ZHX2: variants seen among roughly 807,000 people sequenced by gnomAD.
ZHX2 encodes zinc fingers and homeoboxes protein 2.
ZHX2 carries 6 observed loss-of-function variants against 21.9 expected under a neutral mutation model. The observed-to-expected ratio is 0.27, with a 90% CI of 0.15 to 0.54. ZHX2 has a LOEUF of 0.54. Ranked by LOEUF, ZHX2 falls within the 20% of genes least tolerant of loss-of-function variation. The probability of loss-of-function intolerance (pLI) is 0.95; values close to 1 mark genes in which losing one functional copy is unlikely to be tolerated. For missense variants in ZHX2, 908 were observed against 1,090.7 expected (o/e 0.83, Z 2.36); for synonymous variants, 434 against 437.1 (o/e 0.99, Z 0.09).
chr8:122,785,720 G>C (rs988185926), intron 1 of ZHX2, among the ~76,000 whole-genome samples: 2 of 152,200 alleles, frequency 1.3e-5, no homozygotes, highest in African/African-American at 2.4e-5. Context: ...TGAGTTGGCA[G>C]GGAGGGCATG....
At position 122,953,878 on chromosome 8, in the gene ZHX2, G is replaced by A. The variant is rs148101741; in HGVS notation, c.2368G>A (p.Val790Ile). Residue 790 changes from valine to isoleucine, a missense_variant, in exon 3 of 4, where the codon GTT (valine) becomes ATT (isoleucine). Val to Ile is a conservative substitution (Grantham distance 29). Transcript: ENST00000314393. The surrounding 1 kb of genome is among the most constrained non-coding windows in gnomAD (Gnocchi z 4.6). Reference protein sequence around the residue: ...QGSDENEESSVVDYVEVTVGE... With the variant: ...QGSDENEESSIVDYVEVTVGE... Reference sequence around the variant, plus strand: ...TAGCGACGAGAACGAGGAGTCGAGCGTTGTGGATTACGTGGAGGTGACGGT... The same window carrying A: ...TAGCGACGAGAACGAGGAGTCGAGCATTGTGGATTACGTGGAGGTGACGGT... 82 of 1,614,200 alleles carry A rather than the reference G, an allele frequency of 5.1e-5. 1 individual carries two copies. Among genetic ancestry groups the A allele is most frequent in the Admixed American group, 3.8e-4 (23 of 60,028 alleles).
At chr8:122,780,507 C>A (rs1817254848), upstream of ZHX2, 2 of 152,342 alleles carry the variant, frequency 1.3e-5, no homozygotes, top group Admixed American at 1.3e-4. Flanking sequence ...CAGGAATGCG[C>A]GGCGCAGACA....
intron 2 of ZHX2, among the ~76,000 whole-genome samples, chr8:122,921,374 G>A (rs901997830): frequency 4.6e-5 from 7 of 151,540 alleles, no homozygotes; most frequent in South Asian, 4.3e-4. Context: ...ATGACCTACC[G>A]TGCCCGGCTT....
intron 2 of ZHX2, among the ~76,000 whole-genome samples, chr8:122,935,465 C>G (rs375831206): frequency 8.6e-5 from 13 of 151,994 alleles, no homozygotes; most frequent in African/African-American, 3.1e-4. Flanking sequence ...AAGGCTGTTC[C>G]TCACATGTAG....
At chr8:122,799,417 T>C (rs960549912) in intron 1 of ZHX2, among the ~76,000 whole-genome samples, 13 of 152,338 alleles carry the variant, frequency 8.5e-5, no homozygotes, top group African/African-American at 3.1e-4. Flanking sequence ...TTGTTTGTTT[T>C]TTAGTATTAG....
At chr8:122,886,422 C>T (rs1819843946) in intron 2 of ZHX2, among the ~76,000 whole-genome samples, 1 of 152,176 alleles carries the variant, frequency 6.6e-6, no homozygotes, top group Admixed American at 6.5e-5. Flanking sequence ...TTTGTCAAAA[C>T]CCATAGAACT....
intron 2 of ZHX2, among the ~76,000 whole-genome samples, chr8:122,941,858 G>A (rs118166973): frequency 6.6e-6 from 1 of 152,312 alleles, no homozygotes; most frequent in East Asian, 1.9e-4. Context: ...AGGCTTGGGT[G>A]TAGTAACTCT....
chr8:122,952,063 C>T lies in ZHX2; in HGVS notation c.553C>T (p.Pro185Ser), dbSNP rs963544511. The change falls in exon 3 of 4, where the codon CCC (proline) becomes TCC (serine). Residue 185 changes from proline to serine, a missense_variant. Pro to Ser is a moderately conservative substitution (Grantham distance 74, BLOSUM62 -1). Around this residue, in one of 4 missense-constraint regions of ZHX2, gnomAD observed 220 missense variants for 251.4 expected, o/e 0.88. Coordinates refer to ENST00000314393, the MANE Select transcript of ZHX2 (RefSeq NM_014943.5). The surrounding 1 kb of genome is among the most constrained non-coding windows in gnomAD (Gnocchi z 6.9). ...TTCTGGGATCTCGGTGAGTAAAACC[C>T]CCATCATGAAGCCTGGAAAACCAAA... ...SDSGISVSKT[P>S]IMKPGKPKAD... 6.2e-7 allele frequency: 1 copy of T among 1,613,274 alleles called. No homozygotes were observed. Among genetic ancestry groups the T allele is most frequent in the Admixed American group, 1.7e-5 (1 of 59,966 alleles).
At chr8:122,877,649 C>G (rs1171737824) in intron 2 of ZHX2, among the ~76,000 whole-genome samples, 2 of 152,168 alleles carry the variant, frequency 1.3e-5, no homozygotes, top group Non-Finnish European at 2.9e-5. Context: ...AATGGTGGTA[C>G]TCCAGGAACA....
Position 122,953,220 on chromosome 8 carries a change from G to A in ZHX2, c.1710G>A (p.Arg570=). 1.2e-6 allele frequency: 2 copies of A among 1,613,918 alleles called. No homozygotes were observed. The highest frequency in any genetic ancestry group is 1.7e-6 in the Non-Finnish European group (2 of 1,179,988). The change falls in exon 3 of 4, where the codon AGG becomes AGA. Residue 570 remains arginine (R), a synonymous_variant. Coordinates refer to ENST00000314393, the MANE Select transcript of ZHX2 (RefSeq NM_014943.5). This position sits in a 1 kb window ranked among gnomAD's most constrained non-coding sequence, Gnocchi z 4.6. The stretch of plus-strand genomic sequence containing the variant: ...TAAGGGTGGAGACCAAGCTGAGCAG[G>A]AGAGAGATCGACTCCTGGTTCTCGG... ...DRLRVETKLS[R]REIDSWFSER... is the part of the protein sequence containing the mutation.
At chr8:122,811,664 G>A (rs1315665052) in intron 1 of ZHX2, among the ~76,000 whole-genome samples, 10 of 152,204 alleles carry the variant, frequency 6.6e-5, no homozygotes, top group African/African-American at 9.7e-5. Context: ...TCCGTGAGTG[G>A]CTGTCACCTG....
chr8:122,902,292 T>C (rs1360154992), intron 2 of ZHX2, among the ~76,000 whole-genome samples: 9 of 152,216 alleles, frequency 5.9e-5, no homozygotes, highest in Non-Finnish European at 2.9e-5. Context: ...GGCTGAGATC[T>C]ATTAGAAAAA....
chr8:122,821,451 G>A (rs1375814441), intron 1 of ZHX2, among the ~76,000 whole-genome samples: 1 of 151,920 alleles, frequency 6.6e-6, no homozygotes, highest in Non-Finnish European at 1.5e-5. Flanking sequence ...TGCAAATAGG[G>A]TAATTTATTG....
rs779918947 is a variant in ZHX2 at position 122,951,785 on chromosome 8, A to T, written c.275A>T (p.Glu92Val). The T allele has an allele frequency of 1.7e-5, 28 of 1,614,136 alleles. No individual in the cohort carries two copies. Among genetic ancestry groups the T allele is most frequent in the Middle Eastern group, 1.6e-4 (1 of 6,062 alleles). Reference protein sequence around the residue: ...YCPYSTQNLNEFTEHVDMQHP... With the variant: ...YCPYSTQNLNVFTEHVDMQHP... Reference sequence around the variant, plus strand: ...CCCTACTCCACGCAAAACCTGAACGAGTTCACGGAGCATGTCGACATGCAG... The same window carrying T: ...CCCTACTCCACGCAAAACCTGAACGTGTTCACGGAGCATGTCGACATGCAG... The change falls in exon 3 of 4, where the codon GAG becomes GTG. Residue 92 changes from glutamate to valine, a missense_variant. Glu to Val is a moderately radical substitution (Grantham distance 121, BLOSUM62 -2). Coordinates refer to ENST00000314393, the MANE Select transcript of ZHX2 (RefSeq NM_014943.5).
chr8:122,909,221 A>C (rs1187708671), intron 2 of ZHX2, among the ~76,000 whole-genome samples: 2 of 152,128 alleles, frequency 1.3e-5, no homozygotes, highest in Admixed American at 1.3e-4. Flanking sequence ...ACTTGAGGTC[A>C]GGAGTTCAAG....
At chr8:122,841,807 A>T (rs1563750263) in intron 1 of ZHX2, among the ~76,000 whole-genome samples, 1 of 152,112 alleles carries the variant, frequency 6.6e-6, no homozygotes, top group Non-Finnish European at 1.5e-5. Flanking sequence ...CGTCTGTGTG[A>T]GATCAGATGT....
chr8:122,923,796 T>A (rs771963309), intron 2 of ZHX2, among the ~76,000 whole-genome samples: 3 of 152,180 alleles, frequency 2.0e-5, no homozygotes, highest in Non-Finnish European at 4.4e-5. Flanking sequence ...AAGAGTTGTA[T>A]GCAAACCAGA....
At chr8:122,919,755 A>G (rs1390565612) in intron 2 of ZHX2, among the ~76,000 whole-genome samples, 2 of 152,240 alleles carry the variant, frequency 1.3e-5, no homozygotes, top group Non-Finnish European at 2.9e-5. Flanking sequence ...GAGGTCACAC[A>G]GCTTCTGAGA....
intron 1 of ZHX2, among the ~76,000 whole-genome samples, chr8:122,806,426 C>A (rs1184513593): frequency 6.6e-6 from 1 of 152,202 alleles, no homozygotes; most frequent in African/African-American, 2.4e-5. Context: ...AGGGATGCAT[C>A]TGCCCGGGTC....
Sources: gnomAD v4.1 joint callset for allele counts (sites outside exome capture counted in the v4.1 genomes callset) on GRCh38, gnomAD v4.1.1 for gene constraint, gnomAD v4.1.1 regional missense constraint, Gnocchi (gnomAD v3.1) non-coding constraint, MANE v1.5 for transcripts, NCBI Gene and HGNC (gene_info 2026-07-23, HGNC 2026-07-21) for gene names.